PDHX: variants seen among roughly 807,000 people sequenced by gnomAD.
PDHX encodes pyruvate dehydrogenase complex component X, also known as pyruvate dehydrogenase protein X component, mitochondrial.
In PDHX, 33 loss-of-function variants were observed where a neutral mutation model predicts 55.3. That is an observed-to-expected ratio of 0.60 (90% CI 0.45 to 0.80). The LOEUF (loss-of-function observed/expected upper bound fraction) is 0.80, where lower values mean the gene tolerates loss of function less well. Among genes scored for constraint, PDHX ranks in the 30% least tolerant of loss-of-function variants. The pLI, the probability that PDHX is intolerant of heterozygous loss-of-function variation, is 0.00. For synonymous variants in PDHX, 226 were observed against 219.4 expected, an observed-to-expected ratio of 1.03 and a Z score of -0.27; for missense variants, 622 against 619.9, an observed-to-expected ratio of 1.00 and a Z score of -0.04.
At chr11:34,916,351 G>C (rs899848978), upstream of PDHX, 6 of 1,590,792 alleles carry the variant, frequency 3.8e-6, no homozygotes, top group Admixed American at 1.8e-5. Context: ...CTTAGCCTGG[G>C]ATACGGCAGC....
Position 34,984,515 on chromosome 11 carries a change from AC to A in PDHX, c.1024-53del, listed in dbSNP as rs535567979. The A allele has an allele frequency of 3.2e-4, 470 of 1,460,052 alleles. 5 individuals are homozygous for A. In the African/African-American group the frequency reaches 5.8e-3, roughly 18 times the overall value. 90.4% of individuals were successfully genotyped at this position (1,460,052 alleles called of 1,614,324 possible). On this transcript the variant is annotated intron_variant, in intron 8 of 10. Transcript: ENST00000227868. ...TGCACAATGATTTTATTTTTCTGTA[AC>A]CGCCTTGGTCTAAAGCTGCTTTTTT... is the stretch of plus-strand genomic sequence containing the variant.
At chr11:34,940,213 A>T (rs1321246631) in intron 2 of PDHX, among the ~76,000 whole-genome samples, 1 of 152,204 alleles carries the variant, frequency 6.6e-6, no homozygotes, top group Admixed American at 6.5e-5. Context: ...CCACACCCAC[A>T]GTGCCTAGAA....
Position 34,916,661 on chromosome 11 carries a change from G to A in PDHX, c.6G>A (p.Ala2=), listed in dbSNP as rs756600157. 3.7e-6 allele frequency: 6 copies of A among 1,609,068 alleles called. No homozygotes were observed. The African/African-American group carries it at 8.0e-5, about 21-fold the overall frequency. Residue 2 remains alanine (A), a synonymous_variant, in exon 1 of 11, where the codon GCG becomes GCA. Transcript: ENST00000227868. ...CCAGTGAGAAGGCCGTCAAGATGGC[G>A]GCCTCCTGGAGGCTGGGCTGTGATC... M[A]ASWRLGCDPR...
intron 2 of PDHX, among the ~76,000 whole-genome samples, chr11:34,935,421 C>G (rs1196791175): frequency 6.6e-6 from 1 of 152,150 alleles, no homozygotes; most frequent in African/African-American, 2.4e-5. Flanking sequence ...AGTGCTTATA[C>G]AGAAGGATAG....
At chr11:34,954,916 G>A (rs1245385584) in intron 3 of PDHX, among the ~76,000 whole-genome samples, 1 of 152,170 alleles carries the variant, frequency 6.6e-6, no homozygotes, top group African/African-American at 2.4e-5. Context: ...ACTAGTAAGT[G>A]GTGGAGCCAG....
intron 3 of PDHX, among the ~76,000 whole-genome samples, chr11:34,950,026 A>G (rs780949418): frequency 3.9e-5 from 6 of 152,126 alleles, no homozygotes; most frequent in Non-Finnish European, 8.8e-5. Context: ...GGTACTATTC[A>G]CCTTCTTCAG....
intron 5 of PDHX, among the ~76,000 whole-genome samples, chr11:34,964,853 A>G (rs1855096705): frequency 6.6e-6 from 1 of 151,994 alleles, no homozygotes; most frequent in South Asian, 2.1e-4. Flanking sequence ...CTATTAGCAT[A>G]TTATTAGCAT....
At chr11:34,984,794 T>C (rs1436737915) in intron 9 of PDHX, 66 bp downstream of exon 9, 5 of 1,494,532 alleles carry the variant, frequency 3.3e-6, no homozygotes, top group Non-Finnish European at 4.7e-6. Flanking sequence ...TACTTTCTGA[T>C]AAAGTTGTGA....
At chr11:34,932,895 A>G (rs1183494903) in intron 2 of PDHX, among the ~76,000 whole-genome samples, 2 of 152,214 alleles carry the variant, frequency 1.3e-5, no homozygotes, top group Non-Finnish European at 2.9e-5. Context: ...CTACACCTGT[A>G]AAAAGGAATG....
intron 1 of PDHX, among the ~76,000 whole-genome samples, chr11:34,930,725 T>C (rs981757237): frequency 1.3e-5 from 2 of 152,226 alleles, no homozygotes; most frequent in African/African-American, 2.4e-5. Flanking sequence ...AATGTAGTTA[T>C]GTTTCATTGG....
intron 1 of PDHX, among the ~76,000 whole-genome samples, chr11:34,931,062 CAA>C (rs536902309): frequency 4.6e-5 from 7 of 151,980 alleles, no homozygotes; most frequent in Non-Finnish European, 1.0e-4. Context: ...TTTGCAGAAA[CAA>C]AAGGGAAAGG....
At chr11:34,940,991 A>T (rs1264356488) in intron 2 of PDHX, among the ~76,000 whole-genome samples, 2 of 152,224 alleles carry the variant, frequency 1.3e-5, no homozygotes, top group East Asian at 3.8e-4. Flanking sequence ...GAATGGAATT[A>T]TAGATTATAG....
intron 3 of PDHX, among the ~76,000 whole-genome samples, chr11:34,949,472 A>G (rs758363956): frequency 4.0e-5 from 6 of 150,000 alleles, no homozygotes; most frequent in Non-Finnish European, 8.8e-5. Flanking sequence ...TCCTGACTCA[A>G]GTAATCTGCC....
chr11:34,986,906 C>T (rs112299870), intron 9 of PDHX, among the ~76,000 whole-genome samples: 7 of 152,336 alleles, frequency 4.6e-5, no homozygotes, highest in African/African-American at 1.7e-4. Flanking sequence ...GCTCTCTTCA[C>T]TCTTGTTCTT....
rs1855134070 is a variant in PDHX, at chr11:34,966,535, C to T, written c.642-105C>T. On this transcript the variant is annotated intron_variant, in intron 5 of 10. Transcript: ENST00000227868. ...TGGTTTTTAATTATAACCTTGACAT[C>T]TGTATATTTCTGTATCTTTTCTCCA... 6.9e-6 allele frequency: 7 copies of T among 1,019,158 alleles called. No individual in the cohort carries two copies. The South Asian group carries it at 9.0e-5, about 13-fold the overall frequency. The allele number at this position is 1,019,158 out of a possible 1,614,324, so 63.1% of individuals were successfully genotyped here.
chr11:34,941,570 TCTTACAGATAAAAA>T lies in PDHX; in HGVS notation c.242-5933_242-5920del, dbSNP rs1277309402. On this transcript the variant is annotated intron_variant, in intron 2 of 10. Transcript: ENST00000227868. ...TGTTCATGTTAATCTGATAACTTGGTCTTACAGATAAAAACTAGCTCTCTTCCACCACCACCACC... is the reference window on the plus strand; with the variant it reads ...TGTTCATGTTAATCTGATAACTTGGTCTAGCTCTCTTCCACCACCACCACC... Among the ~76,000 whole-genome samples, 20 of 152,278 alleles carry T rather than the reference TCTTACAGATAAAAA, an allele frequency of 1.3e-4. No individual in the cohort carries two copies. The East Asian group carries it at 3.5e-3, about 26-fold the overall frequency.
chr11:34,924,509 C>T (rs541935213), intron 1 of PDHX, among the ~76,000 whole-genome samples: 27 of 152,336 alleles, frequency 1.8e-4, no homozygotes, highest in African/African-American at 6.0e-4. Context: ...GCATGAGCCA[C>T]TGCTCCCGGC....
At chr11:34,973,164 C>G (rs940101015) in intron 7 of PDHX, among the ~76,000 whole-genome samples, 2 of 152,096 alleles carry the variant, frequency 1.3e-5, no homozygotes, top group Admixed American at 1.3e-4. Context: ...CTTGAACAGA[C>G]CAGTTATTAT....
At chr11:34,960,625 A>G (rs1325010450) in intron 5 of PDHX, 107 bp downstream of exon 5, 7 of 670,736 alleles carry the variant, frequency 1.0e-5, no homozygotes, top group Non-Finnish European at 1.3e-5. Flanking sequence ...AAAAGGAGGT[A>G]CACTGTTCTT....
Sources: gnomAD v4.1 joint callset for allele counts (sites outside exome capture counted in the v4.1 genomes callset) on GRCh38, gnomAD v4.1.1 for gene constraint, MANE v1.5 for transcripts, NCBI Gene and HGNC (gene_info 2026-07-23, HGNC 2026-07-21) for gene names.